Variants in NKAIN3 observed in about 807,000 individuals in gnomAD.
NKAIN3 encodes sodium/potassium-transporting ATPase subunit beta-1-interacting protein 3.
NKAIN3 carries 25 observed loss-of-function variants against 30.2 expected under a neutral mutation model. The observed-to-expected ratio is 0.83, with a 90% confidence interval of 0.60 to 1.16. The LOEUF is 1.16. Ranked by LOEUF, NKAIN3 falls within the 50% of genes most tolerant of loss-of-function variation. The pLI, the probability that NKAIN3 is intolerant of heterozygous loss-of-function variation, is 0.00. For synonymous variants in NKAIN3, 91 were observed against 89.6 expected (o/e 1.02, Z -0.09); for missense variants, 225 against 254.1 (o/e 0.89, Z 0.78).
chr8:62,291,190 C>G (rs148559180), intron 1 of NKAIN3, among the ~76,000 whole-genome samples: 1 of 152,164 alleles, frequency 6.6e-6, no homozygotes, highest in Non-Finnish European at 1.5e-5. Context: ...AAAAAACCAG[C>G]TCCTGGATTC....
intron 1 of NKAIN3, among the ~76,000 whole-genome samples, chr8:62,545,856 T>C (rs986387763): frequency 1.3e-5 from 2 of 152,186 alleles, no homozygotes; most frequent in African/African-American, 4.8e-5. Flanking sequence ...TCAAAAAATA[T>C]ACAAATGTTA....
rs138850135 is a variant in NKAIN3 at position 62,751,949 on chromosome 8, A to G, written c.471+4820A>G. 5.3e-3 allele frequency among the ~76,000 whole-genome samples: 813 copies of G among 152,090 alleles called. 3 individuals carry two copies. The highest frequency in any genetic ancestry group is 0.018 in the African/African-American group (753 of 41,478). ...TAATCATTGAGTTTCTATTCTATCT[A>G]CTGGAAGGAAAGCTTCTTGCAGGAT... On this transcript the variant is annotated intron_variant, in intron 4 of 6. Coordinates refer to ENST00000623646, the MANE Select transcript of NKAIN3 (RefSeq NM_001304533.3).
chr8:62,747,246 A>ACT, intron 4 of NKAIN3, 117 bp downstream of exon 4: 1 of 620,110 alleles, frequency 1.6e-6, no homozygotes, highest in Non-Finnish European at 2.8e-6. Context: ...ATCCAACAGA[A>ACT]ATAGAAGCAA....
chr8:62,898,281 T>C (rs1367517750), intron 4 of NKAIN3, among the ~76,000 whole-genome samples: 4 of 152,138 alleles, frequency 2.6e-5, no homozygotes, highest in South Asian at 2.1e-4. Flanking sequence ...TATCACAGCA[T>C]AATTCACAAT....
At chr8:62,345,566 T>TATATACACATATATGTATATACACAC (rs1563942968) in intron 1 of NKAIN3, among the ~76,000 whole-genome samples, 5 of 145,644 alleles carry the variant, frequency 3.4e-5, no homozygotes, top group Admixed American at 6.9e-5. Context: ...TATATACACA[T>TATATACACATATATGTATATACACAC]ATATACACAT....
At position 62,719,440 on chromosome 8, in the gene NKAIN3, T is replaced by A. The variant is rs1019988372; in HGVS notation, c.274-27492T>A. Among the ~76,000 whole-genome samples the A allele has an allele frequency of 1.2e-4, 18 of 152,348 alleles. No individual in the cohort carries two copies. The South Asian group carries it at 3.7e-3, about 32-fold the overall frequency. Reference sequence around the variant, plus strand: ...ATCTACCAAAAATGGATGCTTTTCTTGATGCTAAATTTGTGTTGACCAGAA... The same window carrying A: ...ATCTACCAAAAATGGATGCTTTTCTAGATGCTAAATTTGTGTTGACCAGAA... On this transcript the variant is annotated intron_variant, in intron 3 of 6. Coordinates refer to ENST00000623646, the MANE Select transcript of NKAIN3 (RefSeq NM_001304533.3).
intron 5 of NKAIN3, among the ~76,000 whole-genome samples, chr8:62,923,002 A>T (rs1414133711): frequency 2.0e-5 from 3 of 152,204 alleles, no homozygotes. Flanking sequence ...AATTCAATAA[A>T]GAAATATTTG....
chr8:62,368,555 AGCT>A, intron 1 of NKAIN3, among the ~76,000 whole-genome samples: 1 of 546 alleles, frequency 1.8e-3, no homozygotes. Context: ...CCACAAATAC[AGCT>A]AGCTGGGGAA....
Position 62,345,385 on chromosome 8 carries a change from A to ATG in NKAIN3, c.54+96259_54+96260insGT, listed in dbSNP as rs1815917069. Among the ~76,000 whole-genome samples, 8 of 81,680 alleles carry ATG rather than the reference A, an allele frequency of 9.8e-5. No individual in the cohort carries two copies. The South Asian group carries it at 1.7e-3, about 17-fold the overall frequency. The allele number at this position is 81,680 out of a possible 152,430, so 53.6% of individuals were successfully genotyped here. ...TATGTATATATACACATATATGTAT[A>ATG]TATACACACATATACACATATATGT... On this transcript the variant is annotated intron_variant, in intron 1 of 6. Coordinates refer to ENST00000623646, the MANE Select transcript of NKAIN3 (RefSeq NM_001304533.3).
intron 1 of NKAIN3, among the ~76,000 whole-genome samples, chr8:62,501,610 G>GACACAT (rs140801087): frequency 0.026 from 3,963 of 152,182 alleles, 164 homozygotes; most frequent in African/African-American, 0.09. Flanking sequence ...GGCATTACGA[G>GACACAT]AAATGTGCAT....
intron 1 of NKAIN3, among the ~76,000 whole-genome samples, chr8:62,384,967 T>G (rs1034668219): frequency 1.2e-4 from 19 of 152,150 alleles, no homozygotes; most frequent in African/African-American, 4.6e-4. Flanking sequence ...AACTCCTGCT[T>G]GATAGTGTTT....
chr8:62,385,248 A>C (rs1450106523), intron 1 of NKAIN3, among the ~76,000 whole-genome samples: 1 of 152,186 alleles, frequency 6.6e-6, no homozygotes, highest in Non-Finnish European at 1.5e-5. Flanking sequence ...TACTTATGCC[A>C]GGCCCTCTAC....
At position 62,347,740 on chromosome 8, in the gene NKAIN3, G is replaced by C. The variant is rs372875891; in HGVS notation, c.54+98613G>C. ...AGAAGTATTTTTGCAAAGCTAGTTA[G>C]AGCAAAACTAACAAGGAAGATATGA... is the stretch of plus-strand genomic sequence containing the variant. On this transcript the variant is annotated intron_variant, in intron 1 of 6. Coordinates refer to ENST00000623646, the MANE Select transcript of NKAIN3 (RefSeq NM_001304533.3). Among the ~76,000 whole-genome samples the C allele has an allele frequency of 5.9e-5, 9 of 152,218 alleles. No individual in the cohort carries two copies. In the East Asian group the frequency reaches 1.5e-3, roughly 26 times the overall value.
intron 4 of NKAIN3, among the ~76,000 whole-genome samples, chr8:62,795,311 A>G (rs1002883069): frequency 6.6e-6 from 1 of 152,230 alleles, no homozygotes; most frequent in Non-Finnish European, 1.5e-5. Flanking sequence ...ATTGAAATAA[A>G]TGCTAAAATT....
intron 3 of NKAIN3, among the ~76,000 whole-genome samples, chr8:62,737,984 A>C (rs536123099): frequency 6.6e-6 from 1 of 152,298 alleles, no homozygotes; most frequent in African/African-American, 2.4e-5. Context: ...ATATGTGTGC[A>C]TGTGTCTTTA....
intron 4 of NKAIN3, among the ~76,000 whole-genome samples, chr8:62,889,471 C>T (rs1821239397): frequency 6.6e-6 from 1 of 152,108 alleles, no homozygotes; most frequent in Non-Finnish European, 1.5e-5. Flanking sequence ...TATAGTATTG[C>T]TGATAAGCTC....
At chr8:62,837,047 A>C (rs1344579906) in intron 4 of NKAIN3, among the ~76,000 whole-genome samples, 1 of 152,164 alleles carries the variant, frequency 6.6e-6, no homozygotes, top group African/African-American at 2.4e-5. Context: ...TCTGTTTGAC[A>C]TTCTCACAAG....
At position 62,937,234 on chromosome 8, in the gene NKAIN3, T is replaced by C. The variant is rs548331912; in HGVS notation, c.533-16668T>C. ...GAACAGCATGTGGAGACTCACATCA[T>C]GAACTTTTGTTCCAAGAACTACTGC... On this transcript the variant is annotated intron_variant, in intron 5 of 6. Coordinates refer to ENST00000623646, the MANE Select transcript of NKAIN3 (RefSeq NM_001304533.3). 4.6e-5 allele frequency among the ~76,000 whole-genome samples: 7 copies of C among 152,196 alleles called. No individual in the cohort carries two copies. In the South Asian group the frequency reaches 1.2e-3, roughly 27 times the overall value.
chr8:62,775,662 G>T (rs1485354883), intron 4 of NKAIN3, among the ~76,000 whole-genome samples: 3 of 151,884 alleles, frequency 2.0e-5, no homozygotes, highest in Non-Finnish European at 4.4e-5. Context: ...TTGACCCACT[G>T]GTCATTCAGG....
Sources: gnomAD v4.1 joint callset for allele counts (sites outside exome capture counted in the v4.1 genomes callset) on GRCh38, gnomAD v4.1.1 for gene constraint, MANE v1.5 for transcripts, NCBI Gene and HGNC (gene_info 2026-07-23, HGNC 2026-07-21) for gene names.